The following SSPN variants were observed in gnomAD, a reference collection of about 807,000 sequenced individuals.
The protein encoded by SSPN is K-ras oncogene-associated protein.
Under a neutral mutation model 19.1 loss-of-function variants are expected in SSPN, and 15 were observed. The ratio of observed to expected loss-of-function variants is 0.78; its 90% CI spans 0.52 to 1.21. The LOEUF (loss-of-function observed/expected upper bound fraction) is 1.21, where lower values mean the gene tolerates loss of function less well. SSPN is among the 50% of genes most tolerant of loss of function. The pLI, the probability that SSPN is intolerant of heterozygous loss-of-function variation, is 0.00. For missense variants in SSPN, 291 were observed against 314.0 expected (o/e 0.93, Z 0.55); for synonymous variants, 147 against 140.3 (o/e 1.05, Z -0.34).
intron 1 of SSPN, among the ~76,000 whole-genome samples, chr12:26,152,613 T>C (rs979473847): frequency 1.4e-4 from 21 of 152,180 alleles, no homozygotes; most frequent in Non-Finnish European, 2.9e-4. Flanking sequence ...ACCACTTCCC[T>C]ACTGCAACAA....
At chr12:26,202,931 C>T (rs1387871691) in intron 1 of SSPN, among the ~76,000 whole-genome samples, 2 of 152,168 alleles carry the variant, frequency 1.3e-5, no homozygotes, top group Non-Finnish European at 2.9e-5. Flanking sequence ...GACAATTCCA[C>T]ATGGCTGAGG....
intron 1 of SSPN, among the ~76,000 whole-genome samples, chr12:26,136,015 A>G (rs1436330251): frequency 1.3e-5 from 2 of 152,222 alleles, no homozygotes; most frequent in African/African-American, 2.4e-5. Flanking sequence ...GCTCCCATCC[A>G]TGGATTCAAC....
intron 1 of SSPN, among the ~76,000 whole-genome samples, chr12:26,213,501 CTCTG>C (rs1290776816): frequency 6.6e-6 from 1 of 151,808 alleles, no homozygotes; most frequent in East Asian, 1.9e-4. Flanking sequence ...CCACCTTGTT[CTCTG>C]TCTTTAGGTA....
At chr12:26,223,470 G>A (rs946098003) in intron 1 of SSPN, among the ~76,000 whole-genome samples, 10 of 151,966 alleles carry the variant, frequency 6.6e-5, no homozygotes, top group South Asian at 2.1e-4. Context: ...TCGGCCTCCC[G>A]AAGTGTTGGG....
intron 1 of SSPN, among the ~76,000 whole-genome samples, chr12:26,183,239 A>G (rs1944731412): frequency 6.6e-6 from 1 of 152,220 alleles, no homozygotes; most frequent in Admixed American, 6.5e-5. Context: ...GTACTTTTAG[A>G]AATTTCTACC....
exon 1 of SSPN, chr12:26,122,058 G>A (rs1460650265): frequency 3.2e-6 from 5 of 1,549,322 alleles, no homozygotes; most frequent in Non-Finnish European, 4.4e-6. Flanking sequence ...CCTTCGGGAC[G>A]CAAGGATTCA....
At chr12:26,139,962 C>A (rs1285358037) in intron 1 of SSPN, among the ~76,000 whole-genome samples, 1 of 152,158 alleles carries the variant, frequency 6.6e-6, no homozygotes, top group East Asian at 1.9e-4. Context: ...CCTGGATATG[C>A]TCTTGCCCTC....
intron 1 of SSPN, chr12:26,123,560 G>C (rs1361796317): frequency 9.3e-7 from 1 of 1,069,600 alleles, no homozygotes; most frequent in Non-Finnish European, 1.5e-6. Flanking sequence ...GGGTGAGGGA[G>C]TCCTGACACT....
At chr12:26,229,278 TTAGA>T (rs746764308) in intron 2 of SSPN, among the ~76,000 whole-genome samples, 2 of 152,236 alleles carry the variant, frequency 1.3e-5, no homozygotes, top group Non-Finnish European at 2.9e-5. Context: ...TCCAGTGACC[TTAGA>T]TAGACAGTCA....
At chr12:26,127,340 G>A (rs547384270) in intron 1 of SSPN, among the ~76,000 whole-genome samples, 1 of 152,198 alleles carries the variant, frequency 6.6e-6, no homozygotes, top group African/African-American at 2.4e-5. Context: ...GGAGCCTTGA[G>A]GCTCAAAGGT....
rs1435026948 is a variant in SSPN, at chr12:26,233,657, A to T, written c.*2581A>T. 1.3e-5 allele frequency: 2 copies of T among 152,240 alleles called. No individual in the cohort carries two copies. Among genetic ancestry groups the T allele is most frequent in the African/African-American group, 4.8e-5 (2 of 41,466 alleles). 9.4% of individuals were successfully genotyped at this position (152,240 alleles called of 1,614,324 possible). ...GGAACAGATACACAGCTTTACACTT[A>T]GCAGAATGTTACATTTAAAATCTGA... On this transcript the variant is annotated 3_prime_UTR_variant, in exon 3 of 3. Transcript: ENST00000242729. The surrounding 1 kb of genome is among the most constrained non-coding windows in gnomAD (Gnocchi z 4.3).
chr12:26,224,845 G>C (rs1310415361), intron 2 of SSPN, among the ~76,000 whole-genome samples: 1 of 152,044 alleles, frequency 6.6e-6, no homozygotes, highest in Non-Finnish European at 1.5e-5. Flanking sequence ...CAAAGTGGGG[G>C]ACGGGTGATG....
rs568719325 is a variant in SSPN, at chr12:26,152,174, G to A, written c.-31+30022G>A. ...TGTCACATTTGCTCTTTTCCATGGTGTAAATACTCCCACCGTGGCTAATTT... is the reference window on the plus strand; with the variant it reads ...TGTCACATTTGCTCTTTTCCATGGTATAAATACTCCCACCGTGGCTAATTT... On this transcript the variant is annotated intron_variant, in intron 1 of 2. Transcript: ENST00000538142. 2.0e-5 allele frequency among the ~76,000 whole-genome samples: 3 copies of A among 152,278 alleles called. No homozygotes were observed. In the South Asian group the frequency reaches 6.2e-4, roughly 32 times the overall value.
intron 1 of SSPN, among the ~76,000 whole-genome samples, chr12:26,205,631 C>A (rs955331066): frequency 2.0e-5 from 3 of 152,182 alleles, no homozygotes; most frequent in Non-Finnish European, 2.9e-5. Flanking sequence ...TGGAGGTGCT[C>A]TTCTCTCAGG....
intron 1 of SSPN, among the ~76,000 whole-genome samples, chr12:26,183,891 G>A (rs781290909): frequency 2.0e-5 from 3 of 152,164 alleles, no homozygotes; most frequent in Non-Finnish European, 2.9e-5. Context: ...CTGCACTTTC[G>A]ATGGCAACAT....
intron 1 of SSPN, among the ~76,000 whole-genome samples, chr12:26,130,738 G>T (rs1271824374): frequency 6.6e-6 from 1 of 152,150 alleles, no homozygotes; most frequent in Non-Finnish European, 1.5e-5. Flanking sequence ...CAGGGGTAAC[G>T]TGAAGTGGTA....
chr12:26,191,943 G>A (rs755532991), upstream of SSPN, among the ~76,000 whole-genome samples: 2 of 152,094 alleles, frequency 1.3e-5, no homozygotes, highest in Non-Finnish European at 2.9e-5. Flanking sequence ...ATTTTTTTCT[G>A]AAATCCTTTT....
At chr12:26,226,352 T>G (rs1318544319) in intron 2 of SSPN, among the ~76,000 whole-genome samples, 1 of 152,190 alleles carries the variant, frequency 6.6e-6, no homozygotes, top group Non-Finnish European at 1.5e-5. Flanking sequence ...CTCGGGACCC[T>G]GGCCTAAGCT....
In SSPN at chr12:26,196,614, G is replaced by A. The variant is rs896417558; in HGVS notation, c.279+663G>A. On this transcript the variant is annotated intron_variant, in intron 1 of 2. Coordinates refer to ENST00000242729, the MANE Select transcript of SSPN (RefSeq NM_005086.5). The stretch of plus-strand genomic sequence containing the variant: ...AAGTTGAACAGTACTCAGCTGTTGT[G>A]AGTGTTGAAACATGTAGCATACTTG... Among the ~76,000 whole-genome samples the A allele has an allele frequency of 3.9e-5, 6 of 152,340 alleles. No individual in the cohort carries two copies. The East Asian group carries it at 5.8e-4, about 15-fold the overall frequency.
Sources: allele counts gnomAD v4.1 joint callset (sites outside exome capture counted in the v4.1 genomes callset), GRCh38; gene constraint gnomAD v4.1.1; non-coding constraint Gnocchi (gnomAD v3.1); transcripts MANE v1.5; gene names NCBI Gene and HGNC (gene_info 2026-07-23, HGNC 2026-07-21).